The following SHISA6 variants were observed in gnomAD, a reference collection of about 807,000 sequenced individuals.
The protein encoded by SHISA6 is protein shisa-6.
SHISA6 carries 22 observed loss-of-function variants against 47.9 expected under a neutral mutation model. That is an observed-to-expected ratio of 0.46 (90% CI 0.33 to 0.66). The LOEUF (loss-of-function observed/expected upper bound fraction) is 0.66, where lower values mean the gene tolerates loss of function less well. Ranked by LOEUF, SHISA6 falls within the 30% of genes least tolerant of loss-of-function variation. The pLI is 0.02. For synonymous variants in SHISA6, 388 were observed against 337.8 expected, an observed-to-expected ratio of 1.15 and a Z score of -1.63; for missense variants, 680 against 764.6, an observed-to-expected ratio of 0.89 and a Z score of 1.30.
intron 2 of SHISA6, among the ~76,000 whole-genome samples, chr17:11,291,770 C>T (rs999985911): frequency 6.6e-6 from 1 of 152,094 alleles, no homozygotes; most frequent in Non-Finnish European, 1.5e-5. Context: ...TAGGTGGCCG[C>T]CTTCTCCCTG....
Position 11,558,490 on chromosome 17 carries a change from A to T in SHISA6, c.*186A>T, listed in dbSNP as rs947044829. 3.1e-6 allele frequency: 2 copies of T among 638,978 alleles called. No homozygotes were observed. The highest frequency in any genetic ancestry group is 3.7e-5 in the African/African-American group (2 of 54,528). 39.6% of individuals were successfully genotyped at this position (638,978 alleles called of 1,614,324 possible). Reference sequence around the variant, plus strand: ...CACAGCCCCGATGGCCTGGTCCAATACACTTAGACCCAGGACCAAGAGCAA... The same window carrying T: ...CACAGCCCCGATGGCCTGGTCCAATTCACTTAGACCCAGGACCAAGAGCAA... On this transcript the variant is annotated 3_prime_UTR_variant, in exon 6 of 6. Transcript: ENST00000441885.
intron 3 of SHISA6, among the ~76,000 whole-genome samples, chr17:11,507,032 G>A (rs764647341): frequency 1.3e-5 from 2 of 152,096 alleles, no homozygotes; most frequent in Non-Finnish European, 2.9e-5. Flanking sequence ...GGAGGTTTAA[G>A]TCTTCACCCT....
chr17:11,331,743 A>AAC lies in SHISA6; in HGVS notation c.800-47653_800-47652dup, dbSNP rs5819313. 9.9e-3 allele frequency among the ~76,000 whole-genome samples: 1,481 copies of AAC among 150,102 alleles called. 25 individuals carry two copies. Among genetic ancestry groups the AAC allele is most frequent in the African/African-American group, 0.034 (1,386 of 40,944 alleles). On this transcript the variant is annotated intron_variant, in intron 2 of 5. Transcript: ENST00000441885. ...AGCTCACATGGACAGGGCTCTCTCA[A>AAC]ACACACACACACACACACAGCCCCC...
intron 2 of SHISA6, among the ~76,000 whole-genome samples, chr17:11,338,244 C>G (rs941331624): frequency 2.6e-5 from 4 of 152,164 alleles, no homozygotes; most frequent in African/African-American, 9.7e-5. Flanking sequence ...GCACTCTCCT[C>G]TCTCCCCTCT....
intron 3 of SHISA6, among the ~76,000 whole-genome samples, chr17:11,384,893 A>G (rs1913142889): frequency 6.6e-6 from 1 of 152,204 alleles, no homozygotes; most frequent in South Asian, 2.1e-4. Flanking sequence ...TGGTAAAAGA[A>G]AGGAGCTACA....
chr17:11,424,904 G>A (rs1289569911), intron 3 of SHISA6, among the ~76,000 whole-genome samples: 1 of 151,228 alleles, frequency 6.6e-6, no homozygotes, highest in Non-Finnish European at 1.5e-5. Flanking sequence ...AGCTACTGGG[G>A]GCTGAGGCAG....
At chr17:11,490,648 T>C (rs1349205661) in intron 3 of SHISA6, among the ~76,000 whole-genome samples, 2 of 152,206 alleles carry the variant, frequency 1.3e-5, no homozygotes, top group Non-Finnish European at 2.9e-5. Flanking sequence ...CCATATTCAC[T>C]GCAGGAAGGA....
chr17:11,354,448 G>A lies in SHISA6; in HGVS notation c.800-24966G>A, dbSNP rs534938105. ...GGCAGGGATGCTACCAGGGCCTCCC[G>A]TTGTATCAACATGGACATCCACCAA... is the stretch of plus-strand genomic sequence containing the variant. On this transcript the variant is annotated intron_variant, in intron 2 of 5. Coordinates refer to ENST00000441885, the MANE Select transcript of SHISA6 (RefSeq NM_207386.4). Among the ~76,000 whole-genome samples the A allele has an allele frequency of 3.3e-5, 5 of 152,212 alleles. No homozygotes were observed. In the East Asian group the frequency reaches 9.7e-4, roughly 29 times the overall value.
rs73293732 is a variant in SHISA6, at chr17:11,256,881, G to A, written c.639-6485G>A. On this transcript the variant is annotated intron_variant, in intron 1 of 5. Transcript: ENST00000441885. ...CACATCTACTCTCTACCTGGCTCCC[G>A]GCTGGCCTAGTGACAGCGCCAGGAC... 7.2e-4 allele frequency among the ~76,000 whole-genome samples: 109 copies of A among 152,302 alleles called. 1 individual carries two copies. The highest frequency in any genetic ancestry group is 2.6e-3 in the African/African-American group (106 of 41,564).
intron 2 of SHISA6, among the ~76,000 whole-genome samples, chr17:11,294,909 G>A (rs1225055451): frequency 2.0e-5 from 3 of 152,152 alleles, no homozygotes; most frequent in Admixed American, 6.5e-5. Context: ...TGGCATATCT[G>A]ACTTGCCAGT....
intron 3 of SHISA6, among the ~76,000 whole-genome samples, chr17:11,530,976 C>T (rs1362925170): frequency 1.3e-5 from 2 of 152,160 alleles, no homozygotes; most frequent in Non-Finnish European, 2.9e-5. Context: ...TGGTAGGTTA[C>T]TGCAGTATTC....
At chr17:11,502,721 C>G (rs557358895) in intron 3 of SHISA6, among the ~76,000 whole-genome samples, 1 of 152,140 alleles carries the variant, frequency 6.6e-6, no homozygotes, top group Admixed American at 6.5e-5. Context: ...AGCGAGACTC[C>G]GTCTCAAAAA....
chr17:11,436,660 A>G (rs1032169683), intron 3 of SHISA6, among the ~76,000 whole-genome samples: 2 of 152,226 alleles, frequency 1.3e-5, no homozygotes, highest in Non-Finnish European at 2.9e-5. Context: ...GAACTTCACT[A>G]TATCTTCAGG....
intron 3 of SHISA6, among the ~76,000 whole-genome samples, chr17:11,501,061 T>C (rs1246623000): frequency 6.6e-6 from 1 of 151,878 alleles, no homozygotes; most frequent in Non-Finnish European, 1.5e-5. Flanking sequence ...AACTCAGATC[T>C]GTTTGACTTC....
At chr17:11,336,145 G>A (rs986349185) in intron 2 of SHISA6, among the ~76,000 whole-genome samples, 5 of 152,086 alleles carry the variant, frequency 3.3e-5, no homozygotes, top group African/African-American at 1.2e-4. Context: ...GGAGGTGGAG[G>A]TTGCAGTGAG....
chr17:11,279,720 G>A (rs891643989), intron 2 of SHISA6, among the ~76,000 whole-genome samples: 2 of 151,966 alleles, frequency 1.3e-5, no homozygotes, highest in Non-Finnish European at 2.9e-5. Flanking sequence ...AACTCCCGTG[G>A]TTGGGTATTG....
chr17:11,335,567 G>A (rs1911289147), intron 2 of SHISA6, among the ~76,000 whole-genome samples: 1 of 152,142 alleles, frequency 6.6e-6, no homozygotes, highest in Admixed American at 6.5e-5. Context: ...CTTGAGTAGT[G>A]CAGAATCCAT....
intron 3 of SHISA6, among the ~76,000 whole-genome samples, chr17:11,429,726 G>A (rs1333918252): frequency 6.6e-6 from 1 of 152,028 alleles, no homozygotes; most frequent in Non-Finnish European, 1.5e-5. Context: ...GGGAGGCAGA[G>A]GTTGCAGTGA....
At chr17:11,329,741 C>T (rs1410591695) in intron 2 of SHISA6, among the ~76,000 whole-genome samples, 1 of 152,052 alleles carries the variant, frequency 6.6e-6, no homozygotes, top group Non-Finnish European at 1.5e-5. Flanking sequence ...CAGCAAGGTC[C>T]AGCAGAACCA....
Sources: gnomAD v4.1 joint callset for allele counts (sites outside exome capture counted in the v4.1 genomes callset) on GRCh38, gnomAD v4.1.1 for gene constraint, MANE v1.5 for transcripts, NCBI Gene and HGNC (gene_info 2026-07-23, HGNC 2026-07-21) for gene names.